Variants in FMO4 observed in about 807,000 individuals in gnomAD.
The protein encoded by FMO4 is dimethylaniline monooxygenase [N-oxide-forming] 4.
Under a neutral mutation model 43.3 loss-of-function variants are expected in FMO4, and 38 were observed. The ratio of observed to expected loss-of-function variants is 0.88; its 90% CI spans 0.68 to 1.15. The LOEUF (loss-of-function observed/expected upper bound fraction) is 1.15, where lower values mean the gene tolerates loss of function less well. FMO4 is among the 50% of genes most tolerant of loss of function. FMO4 has a pLI of 0.00. For missense variants in FMO4, 631 were observed against 663.3 expected, an observed-to-expected ratio of 0.95 and a Z score of 0.54; for synonymous variants, 224 against 232.2, an observed-to-expected ratio of 0.96 and a Z score of 0.32.
chr1:171,338,275 A>T (rs1439105184), intron 9 of FMO4, among the ~76,000 whole-genome samples: 1 of 152,038 alleles, frequency 6.6e-6, no homozygotes, highest in Non-Finnish European at 1.5e-5. Flanking sequence ...AACATCTCTC[A>T]TCAGGACACT....
chr1:171,336,140 G>C (rs1175574776), intron 8 of FMO4, among the ~76,000 whole-genome samples: 2 of 152,006 alleles, frequency 1.3e-5, no homozygotes, highest in African/African-American at 2.4e-5. Flanking sequence ...ATCTCGTGTG[G>C]AAAGTAAACA....
rs1231016427 is a variant in FMO4, at chr1:171,314,310, A to C, written c.-254A>C. ...ATCTTTCCATTTATTTTTCTTTCAG[A>C]AAAAAGAATTTGGGTTTTGAGCTTT... On this transcript the variant is annotated 5_prime_UTR_variant, in exon 1 of 10. Transcript: ENST00000367749. 4.0e-5 allele frequency: 6 copies of C among 151,088 alleles called. No individual in the cohort carries two copies. The highest frequency in any genetic ancestry group is 2.6e-4 in the Admixed American group (4 of 15,228). 9.4% of individuals were successfully genotyped at this position (151,088 alleles called of 1,614,324 possible). A position where few individuals can be genotyped will look rare whatever the true frequency, so the allele number is the denominator to read the frequency against.
chr1:171,324,475 G>T (rs1050575189), intron 5 of FMO4, among the ~76,000 whole-genome samples, 175 bp downstream of exon 5: 25 of 152,058 alleles, frequency 1.6e-4, no homozygotes, highest in African/African-American at 5.6e-4. Context: ...GTAGGTGTCA[G>T]GTCTTATTTA....
intron 5 of FMO4, among the ~76,000 whole-genome samples, chr1:171,330,349 C>G (rs1662845677): frequency 6.6e-6 from 1 of 152,194 alleles, no homozygotes; most frequent in African/African-American, 2.4e-5. Context: ...GTTGCTGCTG[C>G]TGCTGTAAAC....
Position 171,334,555 on chromosome 1 carries a change from G to C in FMO4, c.972G>C (p.Val324=). 1 of 1,613,638 alleles carries C rather than the reference G, an allele frequency of 6.2e-7. No homozygotes were observed. Among genetic ancestry groups the C allele is most frequent in the Non-Finnish European group, 8.5e-7 (1 of 1,179,572 alleles). Residue 324 remains valine (V), a synonymous_variant, in exon 8 of 10, where the codon GTG becomes GTC. Coordinates refer to ENST00000367749, the MANE Select transcript of FMO4 (RefSeq NM_002022.3). ...CAGTGGAAGAAAACATTGATGTTGT[G>C]ATCTTCACTACAGGATATACATTTT... is the stretch of plus-strand genomic sequence containing the variant. ...DGTVEENIDV[V]IFTTGYTFSF... is the part of the protein sequence containing the mutation.
Position 171,319,885 on chromosome 1 carries a change from C to T in FMO4, c.60C>T (p.Cys20=), listed in dbSNP as rs1662334533. The T allele has an allele frequency of 6.2e-7, 1 of 1,613,564 alleles. No homozygotes were observed. The highest frequency in any genetic ancestry group is 1.3e-5 in the African/African-American group (1 of 74,890). The change falls in exon 3 of 10, where the codon TGC becomes TGT. Residue 20 remains cysteine, a synonymous_variant. Coordinates refer to ENST00000367749, the MANE Select transcript of FMO4 (RefSeq NM_002022.3). ...AGVSGLSSIK[C]CVDEDLEPTC... ...TGAGTGGCCTCTCCTCCATCAAATG[C>T]TGTGTGGATGAGGACCTGGAGCCCA... is the stretch of plus-strand genomic sequence containing the variant.
chr1:171,324,714 A>G (rs1401603628), intron 5 of FMO4, among the ~76,000 whole-genome samples: 1 of 152,170 alleles, frequency 6.6e-6, no homozygotes, highest in Non-Finnish European at 1.5e-5. Context: ...GAAATTAAAC[A>G]TGTAAAGCAA....
In FMO4 at chr1:171,331,701, T is replaced by A. The variant is rs1662905555; in HGVS notation, c.546T>A (p.Phe182Leu). The A allele has an allele frequency of 6.2e-7, 1 of 1,614,044 alleles. No individual in the cohort carries two copies. The highest frequency in any genetic ancestry group is 2.2e-5 in the East Asian group (1 of 44,878). ...AAGAGTACAAGATCCCAGAAGGCTTTCAGGGCAAACGCGTCTTGGTGATTG... is the reference window on the plus strand; with the variant it reads ...AAGAGTACAAGATCCCAGAAGGCTTACAGGGCAAACGCGTCTTGGTGATTG... ...HSQEYKIPEGFQGKRVLVIGL... is the reference protein window; with the variant it reads ...HSQEYKIPEGLQGKRVLVIGL... Residue 182 changes from phenylalanine to leucine, a missense_variant, in exon 6 of 10, where the codon TTT becomes TTA. Transcript: ENST00000367749.
chr1:171,330,486 C>G (rs1662851450), intron 5 of FMO4, among the ~76,000 whole-genome samples: 1 of 152,228 alleles, frequency 6.6e-6, no homozygotes, highest in Non-Finnish European at 1.5e-5. Context: ...TTAATTGACT[C>G]CCAGTTCCAC....
chr1:171,324,802 C>G (rs1662588614), intron 5 of FMO4, among the ~76,000 whole-genome samples: 1 of 151,938 alleles, frequency 6.6e-6, no homozygotes, highest in Non-Finnish European at 1.5e-5. Context: ...ATATAGTCAC[C>G]CTTCAAAACA....
chr1:171,315,533 CA>C (rs1662163706), intron 1 of FMO4, among the ~76,000 whole-genome samples: 1 of 151,916 alleles, frequency 6.6e-6, no homozygotes, highest in African/African-American at 2.4e-5. Context: ...CTCTGTTTTA[CA>C]AATGTGGAAG....
chr1:171,332,482 C>A (rs1187236067), intron 6 of FMO4, among the ~76,000 whole-genome samples: 1 of 151,916 alleles, frequency 6.6e-6, no homozygotes, highest in Non-Finnish European at 1.5e-5. Flanking sequence ...ATTTATAATT[C>A]TATAAACATA....
At chr1:171,338,849 G>A (rs1246939613) in intron 9 of FMO4, among the ~76,000 whole-genome samples, 2 of 152,102 alleles carry the variant, frequency 1.3e-5, no homozygotes, top group Admixed American at 1.3e-4. Flanking sequence ...CAAGGACTTT[G>A]TTTTGTTCAC....
chr1:171,341,680 C>T lies in FMO4; in HGVS notation c.1518C>T (p.Ser506=), dbSNP rs202219488. ...AAACTCGAATTGTCCCTGATTCCTC[C>T]AAGCCTGCCTCCATGTCACATTATT... The part of the protein sequence containing the change: ...PLKTRIVPDS[S]KPASMSHYLK... The change falls in exon 10 of 10, where the codon TCC becomes TCT. Residue 506 remains serine, a synonymous_variant. Coordinates refer to ENST00000367749, the MANE Select transcript of FMO4 (RefSeq NM_002022.3). The T allele has an allele frequency of 3.1e-6, 5 of 1,613,878 alleles. No homozygotes were observed. Among genetic ancestry groups the T allele is most frequent in the Non-Finnish European group, 4.2e-6 (5 of 1,179,958 alleles).
At chr1:171,327,577 A>G (rs916573874) in intron 5 of FMO4, among the ~76,000 whole-genome samples, 1 of 152,112 alleles carries the variant, frequency 6.6e-6, no homozygotes, top group East Asian at 1.9e-4. Context: ...GACAAAATTG[A>G]ATAATACTAT....
intron 8 of FMO4, among the ~76,000 whole-genome samples, chr1:171,335,271 C>A (rs1241705911): frequency 6.6e-6 from 1 of 152,188 alleles, no homozygotes; most frequent in Admixed American, 6.5e-5. Flanking sequence ...CTTCAAAATT[C>A]TTTAGCTTTG....
chr1:171,336,981 ACAC>A (rs1252350948), intron 8 of FMO4, among the ~76,000 whole-genome samples: 8 of 151,742 alleles, frequency 5.3e-5, no homozygotes, highest in African/African-American at 1.9e-4. Flanking sequence ...ACACACACAC[ACAC>A]ACGTACAATG....
intron 3 of FMO4, among the ~76,000 whole-genome samples, chr1:171,321,907 T>C (rs1440774636): frequency 6.6e-6 from 1 of 152,202 alleles, no homozygotes; most frequent in Admixed American, 6.5e-5. Flanking sequence ...TATGCAGCGC[T>C]GTTGGGTCAT....
In FMO4 at chr1:171,339,095, T is replaced by C. The variant is rs45506595; in HGVS notation, c.1250+1670T>C. 4.0e-3 allele frequency among the ~76,000 whole-genome samples: 611 copies of C among 152,274 alleles called. 1 individual carries two copies. Among genetic ancestry groups the C allele is most frequent in the Non-Finnish European group, 6.9e-3 (466 of 68,012 alleles). On this transcript the variant is annotated intron_variant, in intron 9 of 9. Transcript: ENST00000367749. ...TATGAATAATGCCTTCATATTAATA[T>C]ATAATATGCTCATATCTGTGGAAAG...
Sources: allele counts gnomAD v4.1 joint callset (sites outside exome capture counted in the v4.1 genomes callset), GRCh38; gene constraint gnomAD v4.1.1; transcripts MANE v1.5; gene names NCBI Gene and HGNC (gene_info 2026-07-23, HGNC 2026-07-21).